Variants in UGT3A2 observed in about 807,000 individuals in gnomAD.
UGT3A2 encodes the protein UDP-glycosyltransferase 3A2.
UGT3A2 carries 32 observed loss-of-function variants against 39.8 expected under a neutral mutation model. The ratio of observed to expected loss-of-function variants is 0.80; its 90% CI spans 0.61 to 1.08. The LOEUF (loss-of-function observed/expected upper bound fraction) is 1.08. Among genes scored for constraint, UGT3A2 ranks in the 50% least tolerant of loss-of-function variants. The pLI is 0.00. For missense variants in UGT3A2, 611 were observed against 637.1 expected (o/e 0.96, Z 0.44); for synonymous variants, 241 against 230.7 (o/e 1.04, Z -0.40).
At chr5:36,066,215 T>G (rs1381635972) in intron 1 of UGT3A2, among the ~76,000 whole-genome samples, 1 of 152,212 alleles carries the variant, frequency 6.6e-6, no homozygotes, top group East Asian at 1.9e-4. Context: ...TGGCTCCGGA[T>G]GCAGCTTCAC....
At chr5:36,039,260 G>C (rs778549305) in intron 5 of UGT3A2, among the ~76,000 whole-genome samples, 3 of 152,214 alleles carry the variant, frequency 2.0e-5, no homozygotes, top group Admixed American at 6.5e-5. Flanking sequence ...GTCTGGGATA[G>C]AAAAGAATGA....
intron 4 of UGT3A2, among the ~76,000 whole-genome samples, chr5:36,043,962 T>TA (rs1233949474): frequency 6.6e-6 from 1 of 151,936 alleles, no homozygotes; most frequent in East Asian, 1.9e-4. Flanking sequence ...CAAACTATTC[T>TA]AAAAAACATA....
intron 6 of UGT3A2, among the ~76,000 whole-genome samples, chr5:36,036,531 T>C (rs1268666448): frequency 6.6e-6 from 1 of 152,248 alleles, no homozygotes; most frequent in Admixed American, 6.5e-5. Flanking sequence ...CTACAAATTG[T>C]GAAGCTGGCC....
chr5:36,052,048 A>G (rs1019553636), intron 2 of UGT3A2, 64 bp from the exon 3 acceptor site: 2 of 985,204 alleles, frequency 2.0e-6, no homozygotes, highest in East Asian at 2.5e-5. Flanking sequence ...TAACATTAGC[A>G]TAACAATATC....
intron 4 of UGT3A2, among the ~76,000 whole-genome samples, chr5:36,043,314 T>A (rs1295440962): frequency 6.6e-6 from 1 of 151,942 alleles, no homozygotes; most frequent in Non-Finnish European, 1.5e-5. Context: ...GAAGGAAATT[T>A]AAAAATGTAT....
chr5:36,049,480 A>G, intron 3 of UGT3A2, 60 bp from the exon 4 acceptor site: 1 of 1,306,034 alleles, frequency 7.7e-7, no homozygotes, highest in African/African-American at 1.5e-5. Context: ...AGTACATAAA[A>G]GTATCTTGAG....
intron 6 of UGT3A2, among the ~76,000 whole-genome samples, chr5:36,036,677 T>G (rs1163510330): frequency 6.6e-6 from 1 of 152,192 alleles, no homozygotes; most frequent in Non-Finnish European, 1.5e-5. Context: ...ATTGCAAATA[T>G]ATAAAATTGA....
rs781651135 is a variant in UGT3A2, at chr5:36,049,351, T to C, written c.381A>G (p.Arg127=). 7 of 1,609,988 alleles carry C rather than the reference T, an allele frequency of 4.3e-6. No homozygotes were observed. The highest frequency in any genetic ancestry group is 1.1e-5 in the South Asian group (1 of 89,730). The change falls in exon 4 of 7, where the codon AGA becomes AGG. Residue 127 remains arginine, a synonymous_variant. Coordinates refer to ENST00000282507, the MANE Select transcript of UGT3A2 (RefSeq NM_174914.4). ...LALQCSHFLN[R]KDIMDSLKNE... is the part of the protein sequence containing the mutation. ...TCTTTAAGGAATCCATGATATCCTT[T>C]CTATTTAAAAAATGACTGCACTGCA...
chr5:36,037,650 A>G, intron 6 of UGT3A2, 147 bp downstream of exon 6: 1 of 796,522 alleles, frequency 1.3e-6, no homozygotes, highest in Non-Finnish European at 2.0e-6. Context: ...AGCTGTTGGC[A>G]TCACACACAT....
intron 4 of UGT3A2, among the ~76,000 whole-genome samples, chr5:36,047,821 T>C (rs78095579): frequency 0.039 from 5,900 of 152,254 alleles, 188 homozygotes; most frequent in East Asian, 0.12. Context: ...AATTGAACCT[T>C]CTACTCCACT....
At chr5:36,039,173 G>T (rs527889931) in intron 5 of UGT3A2, among the ~76,000 whole-genome samples, 2 of 152,226 alleles carry the variant, frequency 1.3e-5, no homozygotes, top group South Asian at 4.2e-4. Flanking sequence ...ATTTTGTTTG[G>T]GTGACCTTGT....
intron 2 of UGT3A2, among the ~76,000 whole-genome samples, chr5:36,061,230 T>C (rs1400969573): frequency 7.3e-6 from 1 of 137,378 alleles, no homozygotes; most frequent in Non-Finnish European, 1.6e-5. Context: ...CACAATGAAA[T>C]TTTAAATTTT....
intron 4 of UGT3A2, among the ~76,000 whole-genome samples, chr5:36,046,558 A>T (rs1206211870): frequency 2.0e-5 from 3 of 152,206 alleles, no homozygotes; most frequent in Non-Finnish European, 4.4e-5. Flanking sequence ...GCTAAAAATT[A>T]AAACAATTAA....
chr5:36,041,815 A>G (rs1434602712), intron 4 of UGT3A2, among the ~76,000 whole-genome samples: 4 of 152,282 alleles, frequency 2.6e-5, no homozygotes, highest in African/African-American at 9.6e-5. Context: ...AAAGATTAGA[A>G]TAAATACTTA....
At chr5:36,045,229 G>C (rs1299373217) in intron 4 of UGT3A2, among the ~76,000 whole-genome samples, 1 of 152,070 alleles carries the variant, frequency 6.6e-6, no homozygotes, top group Non-Finnish European at 1.5e-5. Flanking sequence ...AGAACATAAA[G>C]ACAGTCTCTT....
At chr5:36,064,144 A>C in intron 2 of UGT3A2, 105 bp downstream of exon 2, 1 of 1,038,658 alleles carries the variant, frequency 9.6e-7, no homozygotes, top group Non-Finnish European at 1.4e-6. Context: ...TCATCCTTCC[A>C]ATTGAATTAG....
At chr5:36,043,207 C>CTATATA (rs1389615484) in intron 4 of UGT3A2, among the ~76,000 whole-genome samples, 6 of 151,924 alleles carry the variant, frequency 3.9e-5, no homozygotes, top group South Asian at 4.2e-4. Flanking sequence ...TGGAATAAAA[C>CTATATA]TATAAGTCAA....
rs1478947923 is a variant in UGT3A2 at position 36,039,649 on chromosome 5, GC to G, written c.902del (p.Gly301AlafsTer4). On this transcript the variant is annotated frameshift_variant, in exon 5 of 7. Transcript: ENST00000282507. LOFTEE classifies it high-confidence loss of function. ...GDSGFVLVTLGSMVNTCQNPE... is the reference protein window; with the variant it reads ...GDSGFVLVTLXSMVNTCQNPE... Reference sequence around the variant, plus strand: ...GATTCTGACAGGTGTTCACCATGGAGCCCAAGGTCACAAGGACAAAACCAGA... The same window carrying G: ...GATTCTGACAGGTGTTCACCATGGAGCCAAGGTCACAAGGACAAAACCAGA... 1 of 1,614,078 alleles carries G rather than the reference GC, an allele frequency of 6.2e-7. No homozygotes were observed. The highest frequency in any genetic ancestry group is 8.5e-7 in the Non-Finnish European group (1 of 1,180,044).
chr5:36,047,357 C>A (rs757433123), intron 4 of UGT3A2, among the ~76,000 whole-genome samples: 8 of 152,186 alleles, frequency 5.3e-5, no homozygotes. Context: ...GTGAGACCAG[C>A]GTCATATATT....
Sources: allele counts gnomAD v4.1 joint callset (sites outside exome capture counted in the v4.1 genomes callset), GRCh38; gene constraint gnomAD v4.1.1; transcripts MANE v1.5; gene names NCBI Gene and HGNC (gene_info 2026-07-23, HGNC 2026-07-21).